The following EYS variants were observed in gnomAD, a reference collection of about 807,000 sequenced individuals.
EYS encodes EGF-like photoreceptor maintenance factor, also known as protein eyes shut homolog.
Under a neutral mutation model 282.1 loss-of-function variants are expected in EYS, and 250 were observed. The observed-to-expected ratio is 0.89, with a 90% CI of 0.80 to 0.98. EYS has a LOEUF of 0.98. EYS is among the 50% of genes least tolerant of loss of function. The pLI, the probability that EYS is intolerant of heterozygous loss-of-function variation, is 0.00. For missense variants in EYS, 4,016 were observed against 3,709.0 expected (o/e 1.08, Z -2.15); for synonymous variants, 1,355 against 1,282.9 (o/e 1.06, Z -1.20).
intron 2 of EYS, among the ~76,000 whole-genome samples, chr6:65,512,537 T>C (rs553400997): frequency 5.2e-4 from 79 of 150,726 alleles, no homozygotes; most frequent in Non-Finnish European, 9.8e-4. Flanking sequence ...TAATTTTAAT[T>C]ATAAAAATGC....
intron 18 of EYS, among the ~76,000 whole-genome samples, chr6:64,891,509 AT>A (rs1767292044): frequency 6.6e-6 from 1 of 152,084 alleles, no homozygotes; most frequent in Admixed American, 6.6e-5. Context: ...CGTTAAAAAA[AT>A]AAAAGTGCCT....
chr6:64,911,860 A>G lies in EYS; in HGVS notation c.2641+624T>C, dbSNP rs1257860066. ...TTCGCTTGCATATGAAGAGACCCCA[A>G]TCAAGAAAGTTTAATGATATAAGCA... On this transcript the variant is annotated intron_variant, in intron 16 of 42. Coordinates refer to ENST00000503581, the MANE Select transcript of EYS (RefSeq NM_001142800.2). Among the ~76,000 whole-genome samples, 3 of 152,210 alleles carry G rather than the reference A, an allele frequency of 2.0e-5. No homozygotes were observed. The East Asian group carries it at 5.8e-4, about 29-fold the overall frequency.
intron 31 of EYS, among the ~76,000 whole-genome samples, chr6:64,155,849 T>G (rs1774898022): frequency 6.6e-6 from 1 of 152,058 alleles, no homozygotes; most frequent in African/African-American, 2.4e-5. Context: ...CTCCTTATAT[T>G]TTGTGTGAGT....
At chr6:65,510,828 T>C (rs1222972749) in intron 2 of EYS, among the ~76,000 whole-genome samples, 1 of 152,206 alleles carries the variant, frequency 6.6e-6, no homozygotes, top group Non-Finnish European at 1.5e-5. Flanking sequence ...TCTAAAATAG[T>C]ATTACTCAAG....
chr6:64,871,922 C>A (rs1178334709), intron 19 of EYS, among the ~76,000 whole-genome samples: 3 of 151,970 alleles, frequency 2.0e-5, no homozygotes, highest in Non-Finnish European at 4.4e-5. Flanking sequence ...AGAAGGCAAC[C>A]ATTCATTTGC....
At chr6:64,977,119 C>T (rs937226374) in intron 14 of EYS, among the ~76,000 whole-genome samples, 10 of 151,850 alleles carry the variant, frequency 6.6e-5, no homozygotes, top group African/African-American at 2.2e-4. Flanking sequence ...TCTTGAACTC[C>T]TGATCTCAAA....
chr6:64,117,720 A>C (rs1773436994), intron 31 of EYS, among the ~76,000 whole-genome samples: 1 of 151,920 alleles, frequency 6.6e-6, no homozygotes, highest in African/African-American at 2.4e-5. Flanking sequence ...CACAAGAGAA[A>C]AAAATAAAGG....
At chr6:64,242,823 T>A (rs1284202946) in intron 30 of EYS, among the ~76,000 whole-genome samples, 1 of 147,300 alleles carries the variant, frequency 6.8e-6, no homozygotes, top group Non-Finnish European at 1.5e-5. Context: ...TTCAAGTTTT[T>A]AATATATATA....
intron 11 of EYS, among the ~76,000 whole-genome samples, chr6:65,311,836 G>T (rs546113469): frequency 7.6e-4 from 115 of 152,214 alleles, no homozygotes; most frequent in African/African-American, 2.6e-3. Context: ...ACTAAACTTA[G>T]CAAATAAAAA....
At chr6:64,949,798 C>T (rs759908809) in intron 14 of EYS, among the ~76,000 whole-genome samples, 22 of 151,884 alleles carry the variant, frequency 1.4e-4, no homozygotes, top group Admixed American at 3.3e-4. Context: ...TCCAAGTAAC[C>T]TACTCAAGTT....
At chr6:64,460,455 A>G (rs527456533) in intron 26 of EYS, among the ~76,000 whole-genome samples, 1 of 152,350 alleles carries the variant, frequency 6.6e-6, no homozygotes, top group Non-Finnish European at 1.5e-5. Context: ...TACAATTAAC[A>G]CACATTGGAA....
chr6:64,016,489 A>ATT (rs11358904), intron 33 of EYS, among the ~76,000 whole-genome samples: 12 of 138,376 alleles, frequency 8.7e-5, no homozygotes, highest in East Asian at 2.1e-4. Flanking sequence ...TACCTTTTTG[A>ATT]TTTTTTTTTT....
At chr6:64,657,246 GTC>G (rs1768783963) in intron 22 of EYS, among the ~76,000 whole-genome samples, 1 of 152,064 alleles carries the variant, frequency 6.6e-6, no homozygotes, top group South Asian at 2.1e-4. Flanking sequence ...GCCTATGTGT[GTC>G]TCTGCACATG....
intron 24 of EYS, among the ~76,000 whole-genome samples, chr6:64,594,626 GTGGGAATTGAACGA>G (rs1446327246): frequency 3.4e-5 from 5 of 148,900 alleles, no homozygotes; most frequent in Admixed American, 6.8e-5. Flanking sequence ...TTACTCACAG[GTGGGAATTGAACGA>G]TGAGAACACA....
At chr6:64,737,127 G>A (rs1381641811) in intron 22 of EYS, among the ~76,000 whole-genome samples, 1 of 152,114 alleles carries the variant, frequency 6.6e-6, no homozygotes. Flanking sequence ...CTACCTGCAT[G>A]AAGACCAATA....
chr6:65,463,618 AAAT>A (rs1207192938), intron 5 of EYS, among the ~76,000 whole-genome samples: 2 of 152,330 alleles, frequency 1.3e-5, no homozygotes, highest in East Asian at 1.9e-4. Context: ...ATGCATATAA[AAAT>A]AATAATTCAT....
At chr6:65,447,239 A>G (rs1768697054) in intron 5 of EYS, among the ~76,000 whole-genome samples, 1 of 150,358 alleles carries the variant, frequency 6.7e-6, no homozygotes, top group Admixed American at 6.7e-5. Context: ...GGTAGGTACC[A>G]ATATTGGCTT....
intron 2 of EYS, among the ~76,000 whole-genome samples, chr6:65,579,011 A>G (rs1246313229): frequency 6.6e-6 from 1 of 152,180 alleles, no homozygotes; most frequent in African/African-American, 2.4e-5. Context: ...GAATAAATCC[A>G]GCACACAAAA....
rs2150213318 is a variant in EYS at position 65,148,210 on chromosome 6, C to A, written c.2024-90483G>T. On this transcript the variant is annotated intron_variant, in intron 12 of 42. Transcript: ENST00000503581. ...ACTCTAAAGTCCAAGTCCAAAGTCT[C>A]ATCTGAGACAAGGCAAGACCCTTCT... 2.0e-5 allele frequency among the ~76,000 whole-genome samples: 3 copies of A among 152,232 alleles called. No homozygotes were observed. The Middle Eastern group carries it at 0.01, about 518-fold the overall frequency.
Sources: gnomAD v4.1 joint callset for allele counts (sites outside exome capture counted in the v4.1 genomes callset) on GRCh38, gnomAD v4.1.1 for gene constraint, MANE v1.5 for transcripts, NCBI Gene and HGNC (gene_info 2026-07-23, HGNC 2026-07-21) for gene names.